Variants in NEXN observed in about 807,000 individuals in gnomAD.
The protein encoded by NEXN is nexilin F-actin binding protein, also known as nexilin.
In NEXN, 65 loss-of-function variants were observed where a neutral mutation model predicts 92.6. The observed-to-expected ratio is 0.70, with a 90% confidence interval of 0.57 to 0.86. The LOEUF (loss-of-function observed/expected upper bound fraction) is 0.86. Ranked by LOEUF, NEXN falls within the 40% of genes least tolerant of loss-of-function variation. NEXN has a pLI of 0.00. For missense variants in NEXN, 778 were observed against 771.1 expected (o/e 1.01, Z -0.11); for synonymous variants, 254 against 242.5 (o/e 1.05, Z -0.44).
At chr1:77,890,345 A>G (rs1405405115) in intron 1 of NEXN, among the ~76,000 whole-genome samples, 1 of 152,196 alleles carries the variant, frequency 6.6e-6, no homozygotes, top group Non-Finnish European at 1.5e-5. Context: ...CATAGTTACA[A>G]TGTAATCCAG....
chr1:77,912,025 GCC>G (rs1648623823), intron 1 of NEXN, among the ~76,000 whole-genome samples: 1 of 150,656 alleles, frequency 6.6e-6, no homozygotes, highest in Non-Finnish European at 1.5e-5. Context: ...GTTGCAGTGA[GCC>G]GAGATTGCAC....
chr1:77,926,650 A>G lies in NEXN; in HGVS notation c.687+39A>G, dbSNP rs537820214. 6 of 1,613,946 alleles carry G rather than the reference A, an allele frequency of 3.7e-6. No individual in the cohort carries two copies. In the East Asian group the frequency reaches 1.3e-4, roughly 36 times the overall value. On this transcript the variant is annotated intron_variant, in intron 7 of 12. Transcript: ENST00000334785. ...TGTTTGTTTTCTAAGAAACAAATCA[A>G]GGCAGTTTAAGTTAGCAGCATTTTC...
In NEXN at chr1:77,942,845, TTTA is replaced by T. The variant is rs780732033; in HGVS notation, c.*19_*21del. 1 of 1,587,694 alleles carries T rather than the reference TTTA, an allele frequency of 6.3e-7. No homozygotes were observed. Among genetic ancestry groups the T allele is most frequent in the East Asian group, 2.3e-5 (1 of 42,826 alleles). ...TAAGAATTAATCACTCTTTTTATCT[TTTA>T]TTCTATTAATTTTTTTTTCCTTAAA... On this transcript the variant is annotated 3_prime_UTR_variant, in exon 13 of 13. Coordinates refer to ENST00000334785, the MANE Select transcript of NEXN (RefSeq NM_144573.4).
At chr1:77,905,184 C>T (rs1475435113) in intron 1 of NEXN, among the ~76,000 whole-genome samples, 6 of 150,644 alleles carry the variant, frequency 4.0e-5, no homozygotes, top group Non-Finnish European at 7.4e-5. Flanking sequence ...ATCGCTTGAA[C>T]CCGGGAGGCA....
chr1:77,904,085 C>A (rs367862792), intron 1 of NEXN, among the ~76,000 whole-genome samples: 1 of 152,100 alleles, frequency 6.6e-6, no homozygotes, highest in African/African-American at 2.4e-5. Flanking sequence ...CTCTGCCTCC[C>A]AGGTTCAAGG....
intron 5 of NEXN, among the ~76,000 whole-genome samples, chr1:77,918,689 C>G (rs1355448428): frequency 1.4e-5 from 2 of 145,444 alleles, no homozygotes; most frequent in Non-Finnish European, 3.0e-5. Flanking sequence ...AAAAAAAAGG[C>G]AGCTAACCTG....
Position 77,908,349 on chromosome 1 carries a change from A to C in NEXN, c.-52-7706A>C, listed in dbSNP as rs1446072539. ...CTCAGCCTCCCAAAGTGTTGGGATT[A>C]CAGGTGTGAGCCACTGCACCCACCC... On this transcript the variant is annotated intron_variant, in intron 1 of 12. Transcript: ENST00000334785. 1.9e-4 allele frequency among the ~76,000 whole-genome samples: 29 copies of C among 150,196 alleles called. 1 individual carries two copies. Among genetic ancestry groups the C allele is most frequent in the Non-Finnish European group, 4.4e-5 (3 of 67,736 alleles).
intron 9 of NEXN, among the ~76,000 whole-genome samples, chr1:77,930,784 C>T (rs528649720): frequency 7.2e-4 from 109 of 152,332 alleles, no homozygotes; most frequent in African/African-American, 2.5e-3. Flanking sequence ...CTTTCCATTT[C>T]CTCTGGAAAG....
chr1:77,900,956 C>T (rs774562815), intron 1 of NEXN, among the ~76,000 whole-genome samples: 65 of 152,266 alleles, frequency 4.3e-4, no homozygotes, highest in Non-Finnish European at 8.8e-4. Context: ...GAAGAAAAGC[C>T]TGTTAAGATT....
chr1:77,891,529 G>C (rs1647104675), intron 1 of NEXN, among the ~76,000 whole-genome samples: 1 of 151,716 alleles, frequency 6.6e-6, no homozygotes, highest in Non-Finnish European at 1.5e-5. Context: ...CCCTATATGA[G>C]GTTTCAAGGT....
chr1:77,929,528 ATGCTATT>A (rs1263656954), intron 9 of NEXN, 24 bp downstream of exon 9: 1 of 1,611,304 alleles, frequency 6.2e-7, no homozygotes. Context: ...TAACTGGAGA[ATGCTATT>A]AGAATTCACC....
At chr1:77,903,328 CT>C (rs1647865015) in intron 1 of NEXN, among the ~76,000 whole-genome samples, 1 of 151,514 alleles carries the variant, frequency 6.6e-6, no homozygotes, top group Non-Finnish European at 1.5e-5. Context: ...AATTATTATT[CT>C]ATTCTAATAC....
At chr1:77,940,300 T>G (rs540957142) in intron 11 of NEXN, among the ~76,000 whole-genome samples, 41 of 152,292 alleles carry the variant, frequency 2.7e-4, no homozygotes, top group Admixed American at 1.8e-3. Context: ...ATACACTGCC[T>G]AACTGCTGAC....
rs876657930 is a variant in NEXN, at chr1:77,942,816, A to G, written c.2015A>G (p.Glu672Gly). The G allele has an allele frequency of 1.9e-6, 3 of 1,608,632 alleles. No homozygotes were observed. Among genetic ancestry groups the G allele is most frequent in the Non-Finnish European group, 2.6e-6 (3 of 1,175,842 alleles). ...SAASTCILTI[E>G]SKN ...GCTAGTACCTGTATTCTTACCATTGAAAGTAAGAATTAATCACTCTTTTTA... is the reference window on the plus strand; with the variant it reads ...GCTAGTACCTGTATTCTTACCATTGGAAGTAAGAATTAATCACTCTTTTTA... Residue 672 changes from glutamate (E) to glycine (G), a missense_variant, in exon 13 of 13, where the codon GAA (glutamate) becomes GGA (glycine). By Grantham distance (98) the Glu-to-Gly change is moderately conservative (BLOSUM62 -2). Transcript: ENST00000334785.
intron 1 of NEXN, among the ~76,000 whole-genome samples, chr1:77,903,896 G>A (rs1400298075): frequency 1.3e-5 from 2 of 152,198 alleles, no homozygotes; most frequent in Middle Eastern, 3.2e-3. Context: ...CTTCTCTCCA[G>A]CCTGGGCGAC....
chr1:77,912,246 A>ATGTGGAAGATC (rs574057011), intron 1 of NEXN, among the ~76,000 whole-genome samples: 38 of 152,310 alleles, frequency 2.5e-4, no homozygotes, highest in African/African-American at 8.7e-4. Context: ...CTGACAAAAG[A>ATGTGGAAGATC]TGTGGAAGAT....
Position 77,917,724 on chromosome 1 carries a change from T to TAG in NEXN, c.196_197dup (p.Trp67AsnfsTer25), listed in dbSNP as rs750492151. On this transcript the variant is annotated frameshift_variant, in exon 3 of 13. Transcript: ENST00000334785. LOFTEE classifies it high-confidence loss of function. ...AACAAAGAAGAAAAGAACAATATAT[T>TAG]AGAGAGAGAGAATGGAACAGGAGAA... 6.2e-7 allele frequency: 1 copy of TAG among 1,610,296 alleles called. No homozygotes were observed. Among genetic ancestry groups the TAG allele is most frequent in the Non-Finnish European group, 8.5e-7 (1 of 1,177,124 alleles).
intron 11 of NEXN, 36 bp downstream of exon 11, chr1:77,936,080 A>C (rs779865518): frequency 7.0e-7 from 1 of 1,420,644 alleles, no homozygotes; most frequent in Non-Finnish European, 9.9e-7. Flanking sequence ...GTTATGGTAC[A>C]GTAATGATAA....
At chr1:77,937,817 G>C (rs1207858698) in intron 11 of NEXN, among the ~76,000 whole-genome samples, 1 of 152,208 alleles carries the variant, frequency 6.6e-6, no homozygotes, top group African/African-American at 2.4e-5. Context: ...GAATCTAATG[G>C]ATGGGTTGGG....
Sources: allele counts gnomAD v4.1 joint callset (sites outside exome capture counted in the v4.1 genomes callset), GRCh38; gene constraint gnomAD v4.1.1; transcripts MANE v1.5; gene names NCBI Gene and HGNC (gene_info 2026-07-23, HGNC 2026-07-21).